RORA: variants seen among roughly 807,000 people sequenced by gnomAD.
RORA encodes the protein RAR related orphan receptor A, also known as nuclear receptor ROR-alpha.
A neutral mutation model predicts 69.5 loss-of-function variants in RORA; 7 were observed. That is an observed-to-expected ratio of 0.10 (90% CI 0.06 to 0.19). RORA has a LOEUF of 0.19. Ranked by LOEUF, RORA falls within the 10% of genes least tolerant of loss-of-function variation. RORA has a pLI of 1.00. For synonymous variants in RORA, 261 were observed against 240.8 expected (o/e 1.08, Z -0.78); for missense variants, 457 against 663.0 (o/e 0.69, Z 3.41).
intron 2 of RORA, among the ~76,000 whole-genome samples, chr15:60,591,972 G>A (rs1352445070): frequency 6.6e-6 from 1 of 151,846 alleles, no homozygotes; most frequent in African/African-American, 2.4e-5. Context: ...CCCCGACCTA[G>A]GCCGGAGCTG....
chr15:60,772,845 T>C (rs1275558145), intron 1 of RORA, among the ~76,000 whole-genome samples: 2 of 152,198 alleles, frequency 1.3e-5, no homozygotes, highest in Non-Finnish European at 2.9e-5. Context: ...GCTCAATTAG[T>C]GGAATCCTAG....
intron 1 of RORA, among the ~76,000 whole-genome samples, chr15:61,214,738 C>A (rs1596077520): frequency 6.6e-6 from 1 of 152,258 alleles, no homozygotes; most frequent in African/African-American, 2.4e-5. Flanking sequence ...ACCTCCCTGC[C>A]CATACCACCC....
intron 1 of RORA, among the ~76,000 whole-genome samples, chr15:60,811,531 A>G (rs1463815833): frequency 6.6e-6 from 1 of 152,246 alleles, no homozygotes; most frequent in Non-Finnish European, 1.5e-5. Context: ...ATAGAATTAC[A>G]CATGTGTATT....
chr15:60,595,180 C>A (rs1309997431), intron 2 of RORA, among the ~76,000 whole-genome samples: 1 of 151,560 alleles, frequency 6.6e-6, no homozygotes, highest in African/African-American at 2.4e-5. Flanking sequence ...ATAAATGATA[C>A]ATTTTAGCAC....
At chr15:60,741,922 A>G in intron 1 of RORA, among the ~76,000 whole-genome samples, 1 of 151,742 alleles carries the variant, frequency 6.6e-6, no homozygotes, top group East Asian at 1.9e-4. Flanking sequence ...GCAACATGCC[A>G]CTCCCTGCCA....
chr15:60,686,457 T>G lies in RORA; in HGVS notation c.167-7771A>C, dbSNP rs910951728. 2.0e-5 allele frequency among the ~76,000 whole-genome samples: 3 copies of G among 152,250 alleles called. No individual in the cohort carries two copies. In the East Asian group the frequency reaches 5.8e-4, roughly 29 times the overall value. Reference sequence around the variant, plus strand: ...GCCTTATTTTTTCAAATTGATTTCCTTTTATTGAGTGTCTGTATGGAAGAT... The same window carrying G: ...GCCTTATTTTTTCAAATTGATTTCCGTTTATTGAGTGTCTGTATGGAAGAT... On this transcript the variant is annotated intron_variant, in intron 1 of 10. Transcript: ENST00000335670.
intron 1 of RORA, among the ~76,000 whole-genome samples, chr15:61,013,507 C>T (rs1895159482): frequency 6.6e-6 from 1 of 152,146 alleles, no homozygotes. Flanking sequence ...TTATTATTGC[C>T]TTTTAGATGT....
chr15:60,784,041 T>C (rs1430204902), intron 1 of RORA, among the ~76,000 whole-genome samples: 2 of 152,232 alleles, frequency 1.3e-5, no homozygotes, highest in African/African-American at 2.4e-5. Flanking sequence ...GTAAACAGTA[T>C]GGGCAGGCCC....
At chr15:61,225,559 G>T (rs573174794) in intron 1 of RORA, among the ~76,000 whole-genome samples, 2 of 152,256 alleles carry the variant, frequency 1.3e-5, no homozygotes, top group South Asian at 2.1e-4. Flanking sequence ...CAACCCAACT[G>T]AGCTTTTCAC....
intron 1 of RORA, among the ~76,000 whole-genome samples, chr15:61,173,474 C>T (rs1238279512): frequency 1.3e-5 from 2 of 152,212 alleles, no homozygotes; most frequent in African/African-American, 4.8e-5. Context: ...GCAACCCATT[C>T]AGGTCTTCAT....
At chr15:60,926,871 C>T (rs1448837573) in intron 1 of RORA, among the ~76,000 whole-genome samples, 1 of 152,118 alleles carries the variant, frequency 6.6e-6, no homozygotes, top group Non-Finnish European at 1.5e-5. Context: ...GTAAGTACAT[C>T]CAGATAGACT....
intron 1 of RORA, among the ~76,000 whole-genome samples, chr15:60,731,468 T>G (rs769048948): frequency 5.9e-5 from 9 of 152,094 alleles, no homozygotes; most frequent in Admixed American, 1.3e-4. Context: ...ATAGAGAAGA[T>G]GTACTGAAGG....
chr15:61,205,059 T>C (rs1667805982), intron 1 of RORA, among the ~76,000 whole-genome samples: 3 of 152,228 alleles, frequency 2.0e-5, no homozygotes, highest in Non-Finnish European at 2.9e-5. Flanking sequence ...ACGTGTCATA[T>C]GTGGGCCCAG....
chr15:61,110,773 T>G (rs2078999094), intron 1 of RORA, among the ~76,000 whole-genome samples: 1 of 152,222 alleles, frequency 6.6e-6, no homozygotes, highest in Non-Finnish European at 1.5e-5. Context: ...TCCTTCTTGT[T>G]GGACCTTAAA....
intron 1 of RORA, among the ~76,000 whole-genome samples, chr15:60,762,089 T>A (rs992486124): frequency 1.2e-4 from 19 of 152,314 alleles, no homozygotes; most frequent in Middle Eastern, 3.4e-3. Flanking sequence ...AACCAAGTTT[T>A]TGAAAAACAG....
Position 60,571,595 on chromosome 15 carries a change from A to C in RORA, c.197-39744T>G, listed in dbSNP as rs2067883154. ...GTCTTAGATGAAGCATGAACTATGG[A>C]AAGATCATGAAGAGGCATGAGGGGT... On this transcript the variant is annotated intron_variant, in intron 2 of 10. Coordinates refer to ENST00000335670, the MANE Select transcript of RORA (RefSeq NM_134261.3). Among the ~76,000 whole-genome samples the C allele has an allele frequency of 2.6e-5, 4 of 152,280 alleles. No individual in the cohort carries two copies. In the South Asian group the frequency reaches 8.3e-4, roughly 32 times the overall value.
intron 2 of RORA, among the ~76,000 whole-genome samples, chr15:60,576,687 G>A (rs1028951341): frequency 2.0e-5 from 3 of 152,214 alleles, no homozygotes; most frequent in Non-Finnish European, 4.4e-5. Context: ...AGCTATCTGG[G>A]CAGAACTCTT....
At chr15:60,696,460 T>C (rs892377753) in intron 1 of RORA, among the ~76,000 whole-genome samples, 2 of 152,180 alleles carry the variant, frequency 1.3e-5, no homozygotes, top group East Asian at 1.9e-4. Context: ...AACAACTCCC[T>C]AATTCCAGAA....
chr15:60,726,134 G>A (rs2140831557), intron 1 of RORA, among the ~76,000 whole-genome samples: 1 of 152,252 alleles, frequency 6.6e-6, no homozygotes, highest in East Asian at 1.9e-4. Flanking sequence ...ATTAGGTGAT[G>A]AGGTTGGGGT....
Sources: gnomAD v4.1 joint callset for allele counts (sites outside exome capture counted in the v4.1 genomes callset) on GRCh38, gnomAD v4.1.1 for gene constraint, MANE v1.5 for transcripts, NCBI Gene and HGNC (gene_info 2026-07-23, HGNC 2026-07-21) for gene names.